Variants in LIN52 observed in about 807,000 individuals in gnomAD.
LIN52 encodes protein lin-52 homolog.
A neutral mutation model predicts 18.5 loss-of-function variants in LIN52; 4 were observed. That is an observed-to-expected ratio of 0.22 (90% CI 0.11 to 0.49). The LOEUF is 0.49. LIN52 is among the 20% of genes least tolerant of loss of function. The pLI is 0.97. For missense variants in LIN52, 102 were observed against 139.5 expected (o/e 0.73, Z 1.35); for synonymous variants, 34 against 45.5 (o/e 0.75, Z 1.02).
intron 5 of LIN52, among the ~76,000 whole-genome samples, chr14:74,154,482 T>A (rs2061190848): frequency 6.6e-6 from 1 of 152,182 alleles, no homozygotes; most frequent in South Asian, 2.1e-4. Context: ...TGGCTACATT[T>A]TTTATATTTT....
chr14:74,181,379 G>A (rs2061318049), intron 5 of LIN52, among the ~76,000 whole-genome samples: 1 of 150,568 alleles, frequency 6.6e-6, no homozygotes, highest in Admixed American at 6.6e-5. Context: ...GGTTGAGGCT[G>A]CAGCGAGCCA....
chr14:74,152,129 G>A lies in LIN52; in HGVS notation c.284-46793G>A, dbSNP rs143654501. ...AATACAAAAATTAGCCTGACATGAT[G>A]GTGCATGCCTGTAATCCCAGCTACT... is the stretch of plus-strand genomic sequence containing the variant. On this transcript the variant is annotated intron_variant, in intron 5 of 5. Transcript: ENST00000555028. Among the ~76,000 whole-genome samples the A allele has an allele frequency of 5.4e-3, 822 of 152,070 alleles. 1 individual carries two copies. The highest frequency in any genetic ancestry group is 0.018 in the African/African-American group (762 of 41,450).
intron 5 of LIN52, among the ~76,000 whole-genome samples, chr14:74,180,423 G>A (rs976099917): frequency 2.0e-5 from 3 of 151,496 alleles, no homozygotes; most frequent in Non-Finnish European, 2.9e-5. Context: ...CTGCCACCAT[G>A]CCCAGCTAAT....
In LIN52 at chr14:74,145,791, C is replaced by T. The variant is rs10150738; in HGVS notation, c.283+44553C>T. ...TTTGTTTTTTTGTTTGTTTGTTTCTCGGCCCTTCTAAGAGACAAAACATGA... is the reference window on the plus strand; with the variant it reads ...TTTGTTTTTTTGTTTGTTTGTTTCTTGGCCCTTCTAAGAGACAAAACATGA... On this transcript the variant is annotated intron_variant, in intron 5 of 5. Coordinates refer to ENST00000555028, the MANE Select transcript of LIN52 (RefSeq NM_001024674.3). Among the ~76,000 whole-genome samples the T allele has an allele frequency of 7.2e-3, 1,095 of 152,226 alleles. 14 individuals are homozygous for T. Among genetic ancestry groups the T allele is most frequent in the African/African-American group, 0.025 (1,040 of 41,542 alleles).
chr14:74,181,107 C>CAAAAAAAAAAAA (rs149099646), intron 5 of LIN52, among the ~76,000 whole-genome samples: 11 of 96,062 alleles, frequency 1.1e-4, no homozygotes, highest in Non-Finnish European at 1.4e-4. Context: ...GACTCTGTCT[C>CAAAAAAAAAAAA]AAAAAAAAAA....
At position 74,178,460 on chromosome 14, in the gene LIN52, AT is replaced by A. The variant is rs376347275; in HGVS notation, c.284-20447del. Among the ~76,000 whole-genome samples, 993 of 141,232 alleles carry A rather than the reference AT, an allele frequency of 7.0e-3. 2 individuals carry two copies. The highest frequency in any genetic ancestry group is 0.016 in the African/African-American group (628 of 38,652). 92.7% of individuals were successfully genotyped at this position (141,232 alleles called of 152,430 possible). A position where few individuals can be genotyped will look rare whatever the true frequency, so the allele number is the denominator to read the frequency against. ...TTAATAAGTACTCTTTATTAAAATA[AT>A]TTTTTTTTTTTTTTGCGACAGATTC... On this transcript the variant is annotated intron_variant, in intron 5 of 5. Transcript: ENST00000555028.
intron 5 of LIN52, among the ~76,000 whole-genome samples, chr14:74,150,591 T>C (rs2061172691): frequency 6.6e-6 from 1 of 152,208 alleles, no homozygotes; most frequent in East Asian, 1.9e-4. Context: ...ATTCTCTATG[T>C]ACCTATATGT....
chr14:74,175,433 C>A (rs771931103), intron 5 of LIN52, among the ~76,000 whole-genome samples: 7 of 151,958 alleles, frequency 4.6e-5, no homozygotes, highest in Non-Finnish European at 8.8e-5. Flanking sequence ...GATCAGGCCA[C>A]CATACTCCTG....
At chr14:74,136,159 G>A (rs2061096634) in intron 5 of LIN52, among the ~76,000 whole-genome samples, 1 of 152,208 alleles carries the variant, frequency 6.6e-6, no homozygotes, top group Admixed American at 6.5e-5. Context: ...TATTGTGCTA[G>A]TGCTGTAACT....
intron 5 of LIN52, among the ~76,000 whole-genome samples, chr14:74,114,984 G>C (rs2060955714): frequency 6.6e-6 from 1 of 152,180 alleles, no homozygotes; most frequent in Non-Finnish European, 1.5e-5. Flanking sequence ...AGTTTAAAAA[G>C]TTGTTATGGC....
chr14:74,157,225 G>T (rs2061203055), intron 5 of LIN52, among the ~76,000 whole-genome samples: 1 of 151,058 alleles, frequency 6.6e-6, no homozygotes, highest in Admixed American at 6.6e-5. Context: ...TAGAGACAGG[G>T]TTTCTCCATG....
rs1399317816 is a variant in LIN52, at chr14:74,200,823, G to A, written c.*1846G>A. 2 of 151,836 alleles carry A rather than the reference G, an allele frequency of 1.3e-5. No homozygotes were observed. The highest frequency in any genetic ancestry group is 4.8e-5 in the African/African-American group (2 of 41,348). The allele number at this position is 151,836 out of a possible 1,614,324, so 9.4% of individuals were successfully genotyped here. A position where few individuals can be genotyped will look rare whatever the true frequency, so the allele number is the denominator to read the frequency against. On this transcript the variant is annotated 3_prime_UTR_variant, in exon 6 of 6. Coordinates refer to ENST00000555028, the MANE Select transcript of LIN52 (RefSeq NM_001024674.3). Reference sequence around the variant, plus strand: ...TTGAAGAGTGTGTGTGTGTGTGTGCGCGCGCGCATGTGGCCAAAAAATAGT... The same window carrying A: ...TTGAAGAGTGTGTGTGTGTGTGTGCACGCGCGCATGTGGCCAAAAAATAGT...
intron 5 of LIN52, among the ~76,000 whole-genome samples, chr14:74,152,959 CAAAAAA>C (rs1189515836): frequency 2.4e-5 from 1 of 41,556 alleles, no homozygotes; most frequent in Non-Finnish European, 5.4e-5. Context: ...GACTCTGTCT[CAAAAAA>C]AAAAAAAAAA....
intron 5 of LIN52, among the ~76,000 whole-genome samples, chr14:74,193,430 A>G (rs1163141062): frequency 1.3e-5 from 2 of 152,030 alleles, no homozygotes; most frequent in Admixed American, 1.3e-4. Flanking sequence ...AAAAAAAAAA[A>G]ATCCTTCCAT....
chr14:74,161,831 G>A (rs914086802), intron 5 of LIN52, among the ~76,000 whole-genome samples: 26 of 152,208 alleles, frequency 1.7e-4, no homozygotes, highest in African/African-American at 5.8e-4. Context: ...CCTGCTTGTC[G>A]CTGCACAGAA....
At chr14:74,105,944 T>A (rs954509220) in intron 5 of LIN52, among the ~76,000 whole-genome samples, 1 of 152,208 alleles carries the variant, frequency 6.6e-6, no homozygotes, top group Non-Finnish European at 1.5e-5. Context: ...ACCCTTTGAA[T>A]TGGTACATGA....
At chr14:74,100,608 TG>T (rs2060847124) in intron 4 of LIN52, among the ~76,000 whole-genome samples, 1 of 152,218 alleles carries the variant, frequency 6.6e-6, no homozygotes, top group Non-Finnish European at 1.5e-5. Flanking sequence ...TCTGAGTAGC[TG>T]GGACTACAGG....
At chr14:74,095,761 A>AT in intron 2 of LIN52, among the ~76,000 whole-genome samples, 187 bp from the exon 3 acceptor site, 1 of 152,060 alleles carries the variant, frequency 6.6e-6, no homozygotes, top group Non-Finnish European at 1.5e-5. Context: ...TTAGCTTGCC[A>AT]TTTTTTGTCT....
chr14:74,099,691 G>A (rs72725954), intron 4 of LIN52, among the ~76,000 whole-genome samples: 11,771 of 151,890 alleles, frequency 0.077, 634 homozygotes, highest in South Asian at 0.18. Flanking sequence ...AGGATAATTT[G>A]GTGGGTTGGG....
Sources: allele counts gnomAD v4.1 joint callset (sites outside exome capture counted in the v4.1 genomes callset), GRCh38; gene constraint gnomAD v4.1.1; transcripts MANE v1.5; gene names NCBI Gene and HGNC (gene_info 2026-07-23, HGNC 2026-07-21).